Variants in SMG6 observed in about 807,000 individuals in gnomAD.
SMG6 encodes SMG6 nonsense mediated mRNA decay factor.
SMG6 carries 66 observed loss-of-function variants against 142.2 expected under a neutral mutation model. The observed-to-expected ratio is 0.46, with a 90% confidence interval of 0.38 to 0.57. The LOEUF is 0.57. Ranked by LOEUF, SMG6 falls within the 20% of genes least tolerant of loss-of-function variation. SMG6 has a pLI of 0.00. For missense variants in SMG6, 1,793 were observed against 1,832.0 expected (o/e 0.98, Z 0.39); for synonymous variants, 779 against 702.4 (o/e 1.11, Z -1.72).
intron 8 of SMG6, among the ~76,000 whole-genome samples, chr17:2,272,075 C>T (rs1227280638): frequency 1.3e-5 from 2 of 152,122 alleles, no homozygotes; most frequent in Non-Finnish European, 2.9e-5. Flanking sequence ...GGAGATCAGC[C>T]CCCTGACTAC....
chr17:2,253,929 G>A (rs2074105657), intron 8 of SMG6, among the ~76,000 whole-genome samples: 1 of 152,176 alleles, frequency 6.6e-6, no homozygotes, highest in South Asian at 2.1e-4. Context: ...ACTTCACTTA[G>A]GCCAGAGGGC....
At chr17:2,109,407 G>A (rs985215540) in intron 13 of SMG6, among the ~76,000 whole-genome samples, 21 of 152,082 alleles carry the variant, frequency 1.4e-4, no homozygotes, top group African/African-American at 5.1e-4. Context: ...GTGATTATAG[G>A]CGCGTGCCAC....
intron 10 of SMG6, among the ~76,000 whole-genome samples, chr17:2,205,058 G>A (rs2072636790): frequency 6.6e-6 from 1 of 151,938 alleles, no homozygotes. Flanking sequence ...TTTGAAACCT[G>A]TATGTATCTA....
At chr17:2,201,648 C>T (rs894898490) in intron 10 of SMG6, among the ~76,000 whole-genome samples, 4 of 148,254 alleles carry the variant, frequency 2.7e-5, no homozygotes, top group Non-Finnish European at 5.9e-5. Flanking sequence ...CACTGCACTA[C>T]AGCCTGGGTG....
At chr17:2,186,929 A>AC in intron 11 of SMG6, 98 bp from the exon 12 acceptor site, 1 of 1,308,282 alleles carries the variant, frequency 7.6e-7, no homozygotes, top group Non-Finnish European at 1.1e-6. Flanking sequence ...GGGAAGGGAG[A>AC]CCAAGTCCAC....
intron 10 of SMG6, among the ~76,000 whole-genome samples, chr17:2,230,252 T>G (rs1332559483): frequency 9.7e-6 from 1 of 103,066 alleles, no homozygotes; most frequent in African/African-American, 3.9e-5. Context: ...AGTGTCCTGC[T>G]GCCAAAATTC....
chr17:2,281,540 G>A (rs1171647734), intron 8 of SMG6, among the ~76,000 whole-genome samples: 2 of 152,028 alleles, frequency 1.3e-5, no homozygotes, highest in Admixed American at 1.3e-4. Flanking sequence ...GCCATTTCTT[G>A]GTTCAAGTCT....
intron 10 of SMG6, among the ~76,000 whole-genome samples, chr17:2,205,971 G>C (rs538248664): frequency 2.6e-5 from 4 of 152,130 alleles, no homozygotes; most frequent in Admixed American, 2.0e-4. Flanking sequence ...ACCATGTCTG[G>C]CTAATTTTTA....
intron 10 of SMG6, among the ~76,000 whole-genome samples, chr17:2,200,889 A>G (rs922603338): frequency 6.6e-6 from 1 of 152,146 alleles, no homozygotes; most frequent in African/African-American, 2.4e-5. Context: ...TTGAACTCCC[A>G]AAGTGCTGGG....
chr17:2,279,974 C>G (rs2074748239), intron 8 of SMG6, among the ~76,000 whole-genome samples: 1 of 152,166 alleles, frequency 6.6e-6, no homozygotes, highest in African/African-American at 2.4e-5. Context: ...TTGCCTTTAT[C>G]ACAGTACTTA....
chr17:2,101,238 A>C (rs2151473552), intron 13 of SMG6: 1 of 152,324 alleles, frequency 6.6e-6, no homozygotes, highest in South Asian at 2.1e-4. Context: ...CTGGGACGAC[A>C]GTCATGCATC....
chr17:2,169,621 G>C (rs981501313), intron 13 of SMG6, among the ~76,000 whole-genome samples: 1 of 152,316 alleles, frequency 6.6e-6, no homozygotes, highest in East Asian at 1.9e-4. Context: ...CGCTTGGTTT[G>C]TTTGAGGAAC....
chr17:2,228,373 C>T (rs1332616392), intron 10 of SMG6, among the ~76,000 whole-genome samples: 6 of 152,282 alleles, frequency 3.9e-5, no homozygotes, highest in East Asian at 1.9e-4. Flanking sequence ...GGATTACAGG[C>T]GCCTGCCACC....
chr17:2,130,734 C>T (rs2070093587), intron 13 of SMG6, among the ~76,000 whole-genome samples: 1 of 149,102 alleles, frequency 6.7e-6, no homozygotes, highest in East Asian at 1.9e-4. Context: ...TTTAACCTAA[C>T]AATCAAGTGG....
chr17:2,065,882 C>T (rs2067928869), intron 16 of SMG6: 11 of 592,166 alleles, frequency 1.9e-5, no homozygotes, highest in South Asian at 6.1e-5. Flanking sequence ...TACTCCCTTT[C>T]TGTCTCTTCT....
intron 13 of SMG6, among the ~76,000 whole-genome samples, chr17:2,109,246 G>C (rs1335869236): frequency 6.6e-6 from 1 of 152,102 alleles, no homozygotes; most frequent in Non-Finnish European, 1.5e-5. Flanking sequence ...AGACCAAAAA[G>C]CTGCTGTTAG....
intron 6 of SMG6, among the ~76,000 whole-genome samples, chr17:2,285,554 T>C: frequency 6.6e-6 from 1 of 152,178 alleles, no homozygotes; most frequent in East Asian, 1.9e-4. Flanking sequence ...GAAAACAATT[T>C]CTGGCTAGGC....
At chr17:2,133,130 AGATACTCG>A (rs1273503345) in intron 13 of SMG6, among the ~76,000 whole-genome samples, 6 of 152,140 alleles carry the variant, frequency 3.9e-5, no homozygotes, top group African/African-American at 1.4e-4. Context: ...CTGTAGTCCC[AGATACTCG>A]GGAGGCTGAG....
intron 6 of SMG6, among the ~76,000 whole-genome samples, chr17:2,287,985 G>A (rs1316319090): frequency 1.3e-5 from 2 of 152,192 alleles, no homozygotes; most frequent in Non-Finnish European, 2.9e-5. Context: ...ACTACAATAT[G>A]AATGTACGTA....
Sources: gnomAD v4.1 joint callset for allele counts (sites outside exome capture counted in the v4.1 genomes callset) on GRCh38, gnomAD v4.1.1 for gene constraint, MANE v1.5 for transcripts, NCBI Gene and HGNC (gene_info 2026-07-23, HGNC 2026-07-21) for gene names.